Variants in AFAP1L2 observed in about 807,000 individuals in gnomAD.
The protein encoded by AFAP1L2 is actin filament-associated protein 1-like 2.
A neutral mutation model predicts 99.3 loss-of-function variants in AFAP1L2; 46 were observed. The ratio of observed to expected loss-of-function variants is 0.46; its 90% CI spans 0.37 to 0.59. The LOEUF (loss-of-function observed/expected upper bound fraction) is 0.59, where lower values mean the gene tolerates loss of function less well. AFAP1L2 is among the 20% of genes least tolerant of loss of function. AFAP1L2 has a pLI of 0.00. For synonymous variants in AFAP1L2, 397 were observed against 419.1 expected (o/e 0.95, Z 0.64); for missense variants, 959 against 1,034.9 (o/e 0.93, Z 1.01).
intron 12 of AFAP1L2, 47 bp downstream of exon 12, chr10:114,302,292 T>A: frequency 6.2e-7 from 1 of 1,612,656 alleles, no homozygotes; most frequent in East Asian, 2.2e-5. Context: ...GCCTACAGCA[T>A]GGCCAGGAAT....
intron 12 of AFAP1L2, chr10:114,302,088 T>C: frequency 2.0e-6 from 1 of 494,052 alleles, no homozygotes; most frequent in Non-Finnish European, 3.7e-6. Flanking sequence ...AGCTGGAGAG[T>C]CTAACTGCCT....
At position 114,295,031 on chromosome 10, in the gene AFAP1L2, A is replaced by C; in HGVS notation, c.*1011T>G. 1 of 985,372 alleles carries C rather than the reference A, an allele frequency of 1.0e-6. No homozygotes were observed. Among genetic ancestry groups the C allele is most frequent in the African/African-American group, 1.7e-5 (1 of 57,268 alleles). The allele number at this position is 985,372 out of a possible 1,614,324, so 61.0% of individuals were successfully genotyped here. On this transcript the variant is annotated 3_prime_UTR_variant, in exon 19 of 19. Transcript: ENST00000304129. ...CAACCTGTGTTAAAAAAAAAAAAAAAAAAATGCCATCAGAGGAAAAGACAG... is the reference window on the plus strand; with the variant it reads ...CAACCTGTGTTAAAAAAAAAAAAAACAAAATGCCATCAGAGGAAAAGACAG...
the AFAP1L2 span, chr10:114,282,661 G>A: frequency 8.3e-7 from 1 of 1,200,336 alleles, no homozygotes; most frequent in Non-Finnish European, 1.2e-6. Context: ...TGGGACAGAG[G>A]GTGGGGTTGT....
At chr10:114,314,866 G>A (rs2043860035) in intron 6 of AFAP1L2, among the ~76,000 whole-genome samples, 1 of 152,204 alleles carries the variant, frequency 6.6e-6, no homozygotes, top group Non-Finnish European at 1.5e-5. Context: ...GCCAGGGCTG[G>A]GCGCAGTGGC....
rs751532425 is a variant in AFAP1L2 at position 114,299,438 on chromosome 10, C to A, written c.1958-23G>T. On this transcript the variant is annotated intron_variant, in intron 15 of 18. Coordinates refer to ENST00000304129, the MANE Select transcript of AFAP1L2 (RefSeq NM_001001936.3). ...TCTCTACAGACCCAGAGAGGGAAGC[C>A]CCAGGTAAGCAGAGCTGGATCATGA... 2.1e-5 allele frequency: 34 copies of A among 1,612,980 alleles called. 1 individual carries two copies. The highest frequency in any genetic ancestry group is 2.8e-5 in the Non-Finnish European group (33 of 1,179,518).
In AFAP1L2 at chr10:114,340,624, G is replaced by A. The variant is rs140378605; in HGVS notation, c.124C>T (p.Arg42Trp). Residue 42 changes from arginine (R) to tryptophan (W), a missense_variant, in exon 2 of 19, where the codon CGG becomes TGG. This residue lies in a region of AFAP1L2 where 383 missense variants were observed against 472.8 expected (regional missense o/e 0.81). Transcript: ENST00000304129. Reference sequence around the variant, plus strand: ...TCACTGCTGCTTTTGGTGTAAAGCCGGAGGAGCTCCGCCAGGCAGCTCTTC... The same window carrying A: ...TCACTGCTGCTTTTGGTGTAAAGCCAGAGGAGCTCCGCCAGGCAGCTCTTC... ...VKKSCLAELL[R>W]LYTKSSSSDE... is the part of the protein sequence containing the mutation. The A allele has an allele frequency of 1.7e-4, 272 of 1,614,054 alleles. No individual in the cohort carries two copies. Among genetic ancestry groups the A allele is most frequent in the African/African-American group, 7.5e-4 (56 of 74,926 alleles).
chr10:114,293,947 G>C (rs1313071496), downstream of AFAP1L2, among the ~76,000 whole-genome samples: 1 of 152,014 alleles, frequency 6.6e-6, no homozygotes, highest in Non-Finnish European at 1.5e-5. Context: ...GTTTTCTATG[G>C]GTTACTTATC....
the AFAP1L2 span, chr10:114,286,202 C>G: frequency 6.2e-7 from 1 of 1,614,012 alleles, no homozygotes; most frequent in African/African-American, 1.3e-5. Context: ...TGGCCCCACC[C>G]TGACGGGCAG....
chr10:114,314,535 C>T (rs1332111355), intron 6 of AFAP1L2, among the ~76,000 whole-genome samples: 2 of 152,200 alleles, frequency 1.3e-5, no homozygotes, highest in Non-Finnish European at 2.9e-5. Context: ...GACTCTTCCC[C>T]TACTAGAGAA....
rs2040406365 is a variant in AFAP1L2 at position 114,297,332 on chromosome 10, T to G, written c.2195A>C (p.Asp732Ala). Residue 732 changes from aspartate to alanine, a missense_variant, in exon 17 of 19, where the codon GAC becomes GCC. By Grantham distance (126) the Asp-to-Ala change is moderately radical. Around this residue, in one of 2 missense-constraint regions of AFAP1L2, gnomAD observed 576 missense variants for 562.1 expected, o/e 1.02. Coordinates refer to ENST00000304129, the MANE Select transcript of AFAP1L2 (RefSeq NM_001001936.3). The part of the protein sequence containing the change: ...ECRGEESRRV[D>A]LELSIMEVKD... The stretch of plus-strand genomic sequence containing the variant: ...CACCTCCATGATGCTGAGCTCCAGG[T>G]CCACGCGCCTGCTCTCCTCGCCCCG... 3 of 1,613,912 alleles carry G rather than the reference T, an allele frequency of 1.9e-6. No individual in the cohort carries two copies. The highest frequency in any genetic ancestry group is 2.5e-6 in the Non-Finnish European group (3 of 1,180,020).
chr10:114,282,381 A>C, the AFAP1L2 span: 2 of 713,788 alleles, frequency 2.8e-6, no homozygotes, highest in Non-Finnish European at 5.0e-6. Context: ...TAGAATCAAG[A>C]AACAAAACCA....
chr10:114,326,766 G>A (rs1341930162), intron 4 of AFAP1L2, among the ~76,000 whole-genome samples: 1 of 152,100 alleles, frequency 6.6e-6, no homozygotes, highest in Non-Finnish European at 1.5e-5. Flanking sequence ...GCATAAGAAG[G>A]GGAGAATAGA....
At position 114,308,805 on chromosome 10, in the gene AFAP1L2, C is replaced by G. The variant is rs150879106; in HGVS notation, c.883-288G>C. Among the ~76,000 whole-genome samples the G allele has an allele frequency of 7.2e-5, 11 of 152,340 alleles. No individual in the cohort carries two copies. In the East Asian group the frequency reaches 1.9e-3, roughly 27 times the overall value. The stretch of plus-strand genomic sequence containing the variant: ...CTGCATCCCCTATGATGTTAACTGT[C>G]AAGCTAGAAACCACTCATACTGAGA... On this transcript the variant is annotated intron_variant, in intron 8 of 18. Transcript: ENST00000304129.
rs1564880771 is a variant in AFAP1L2 at position 114,327,175 on chromosome 10, T to TATATATATATATATATATA, written c.316-3915_316-3914insTATATATATATATATATAT. On this transcript the variant is annotated intron_variant, in intron 4 of 18. Transcript: ENST00000304129. ...TATATATATATATATATATATATAT[T>TATATATATATATATATATA]TTTTTTTTAGGCAGAGTCTCACTGT... Among the ~76,000 whole-genome samples, 376 of 55,462 alleles carry TATATATATATATATATATA rather than the reference T, an allele frequency of 6.8e-3. 77 individuals carry two copies. Among genetic ancestry groups the TATATATATATATATATATA allele is most frequent in the East Asian group, 0.025 (14 of 558 alleles). The allele number at this position is 55,462 out of a possible 152,430, so 36.4% of individuals were successfully genotyped here. A position where few individuals can be genotyped will look rare whatever the true frequency, so the allele number is the denominator to read the frequency against.
chr10:114,337,090 G>T (rs932522321), intron 2 of AFAP1L2, among the ~76,000 whole-genome samples: 1 of 152,242 alleles, frequency 6.6e-6, no homozygotes, highest in African/African-American at 2.4e-5. Context: ...CCGAGGGAAA[G>T]AATGCTGTAA....
chr10:114,302,859 TTTAAG>T (rs1224568776), intron 11 of AFAP1L2, among the ~76,000 whole-genome samples: 1 of 152,228 alleles, frequency 6.6e-6, no homozygotes, highest in Non-Finnish European at 1.5e-5. Flanking sequence ...TTGTATGTCT[TTTAAG>T]TTGACACTTG....
chr10:114,312,252 T>A (rs866301940), intron 7 of AFAP1L2, among the ~76,000 whole-genome samples: 1 of 131,110 alleles, frequency 7.6e-6, no homozygotes, highest in Non-Finnish European at 1.7e-5. Context: ...TGTGTGTGTG[T>A]GTGTGTGTGT....
chr10:114,388,444 C>A (rs1277840973), intron 1 of AFAP1L2, among the ~76,000 whole-genome samples: 1 of 152,144 alleles, frequency 6.6e-6, no homozygotes, highest in Non-Finnish European at 1.5e-5. Context: ...TTGGACACCA[C>A]CCCCCACCAT....
the AFAP1L2 span, chr10:114,288,911 C>T: frequency 6.3e-7 from 1 of 1,578,676 alleles, no homozygotes; most frequent in South Asian, 1.2e-5. Context: ...ACATCCACTG[C>T]TGAAGCCCCT....
Sources: gnomAD v4.1 joint callset for allele counts (sites outside exome capture counted in the v4.1 genomes callset) on GRCh38, gnomAD v4.1.1 for gene constraint, gnomAD v4.1.1 regional missense constraint, MANE v1.5 for transcripts, NCBI Gene and HGNC (gene_info 2026-07-23, HGNC 2026-07-21) for gene names.